The following TCF4 variants were observed in gnomAD, a reference collection of about 807,000 sequenced individuals.
The protein encoded by TCF4 is SL3-3 enhancer factor 2.
Under a neutral mutation model 82.1 loss-of-function variants are expected in TCF4, and 3 were observed. That is an observed-to-expected ratio of 0.04 (90% CI 0.02 to 0.09). TCF4 has a LOEUF of 0.09. Among genes scored for constraint, TCF4 ranks in the 10% least tolerant of loss-of-function variants. The pLI is 1.00. For missense variants in TCF4, 518 were observed against 852.7 expected (o/e 0.61, Z 4.89); for synonymous variants, 276 against 309.6 (o/e 0.89, Z 1.14).
chr18:55,422,601 T>C, intron 5 of TCF4: 2 of 399,168 alleles, frequency 5.0e-6, no homozygotes, highest in Non-Finnish European at 6.8e-6. Flanking sequence ...ACCATTAATT[T>C]GCATCTGGTG....
chr18:55,369,499 A>G (rs1367571677), intron 6 of TCF4, among the ~76,000 whole-genome samples: 1 of 152,188 alleles, frequency 6.6e-6, no homozygotes, highest in Non-Finnish European at 1.5e-5. Context: ...TTTTCAAGTT[A>G]GAGGCGAAAG....
intron 6 of TCF4, among the ~76,000 whole-genome samples, chr18:55,363,805 C>CTAAA (rs774730269): frequency 9.4e-4 from 142 of 151,862 alleles, no homozygotes; most frequent in Non-Finnish European, 1.3e-3. Context: ...CACTCTGTCT[C>CTAAA]TAAATAAATA....
chr18:55,455,529 GAAAAAA>G (rs201720174), intron 5 of TCF4, among the ~76,000 whole-genome samples: 6 of 116,906 alleles, frequency 5.1e-5, no homozygotes, highest in Non-Finnish European at 5.5e-5. Flanking sequence ...GGTGTTATTG[GAAAAAA>G]AAAAAAAAAA....
intron 17 of TCF4, chr18:55,229,972 G>A (rs925967970): frequency 1.4e-4 from 22 of 151,908 alleles, no homozygotes; most frequent in African/African-American, 4.1e-4. Flanking sequence ...GTGAGACCTC[G>A]TCTCTACAAA....
At chr18:55,588,463 C>A, upstream of TCF4, 1 of 1,534,976 alleles carries the variant, frequency 6.5e-7, no homozygotes, top group African/African-American at 1.4e-5. Flanking sequence ...GAAAATTCAT[C>A]GAGCACCTCA....
At chr18:55,324,828 T>C (rs1442636257) in intron 8 of TCF4, among the ~76,000 whole-genome samples, 1 of 152,214 alleles carries the variant, frequency 6.6e-6, no homozygotes, top group Non-Finnish European at 1.5e-5. Flanking sequence ...CAGTTGTCTT[T>C]TTCTGCCACT....
chr18:55,514,594 A>T (rs1320995176), intron 3 of TCF4, among the ~76,000 whole-genome samples: 2 of 152,152 alleles, frequency 1.3e-5, no homozygotes, highest in Non-Finnish European at 2.9e-5. Context: ...ACAGCTGCTG[A>T]TTATCTCAAT....
intron 8 of TCF4, among the ~76,000 whole-genome samples, chr18:55,305,523 T>G (rs903016156): frequency 1.3e-5 from 2 of 152,184 alleles, no homozygotes; most frequent in Non-Finnish European, 2.9e-5. Context: ...CAATTAATAC[T>G]CCAGAATGCA....
At chr18:55,417,151 A>T (rs1241843128) in intron 5 of TCF4, among the ~76,000 whole-genome samples, 1 of 152,160 alleles carries the variant, frequency 6.6e-6, no homozygotes, top group African/African-American at 2.4e-5. Flanking sequence ...TTTTTTTATC[A>T]AAGTTTAAAT....
intron 15 of TCF4, among the ~76,000 whole-genome samples, chr18:55,243,326 A>G (rs1477640941): frequency 1.3e-5 from 2 of 152,222 alleles, no homozygotes; most frequent in African/African-American, 2.4e-5. Context: ...GTAAAGCTCA[A>G]TGGCTTTGCT....
intron 3 of TCF4, among the ~76,000 whole-genome samples, chr18:55,464,515 T>C (rs2095961198): frequency 6.6e-6 from 1 of 152,192 alleles, no homozygotes; most frequent in African/African-American, 2.4e-5. Context: ...AAGGTAAATA[T>C]CCACACTAAC....
chr18:55,401,035 T>C (rs1301332768), intron 6 of TCF4: 5 of 1,289,140 alleles, frequency 3.9e-6, no homozygotes, highest in Non-Finnish European at 5.1e-6. Context: ...TCAGCTGTGA[T>C]CTGCTATTTA....
chr18:55,275,720 A>C lies in TCF4; in HGVS notation c.688T>G (p.Ser230Ala). 2 of 1,613,828 alleles carry C rather than the reference A, an allele frequency of 1.2e-6. No individual in the cohort carries two copies. The highest frequency in any genetic ancestry group is 4.5e-5 in the East Asian group (2 of 44,882). Reference sequence around the variant, plus strand: ...TAGCCAGGCTGATTCATCCCACTGGAGGAGCTCCAAGGGTCACTGCTGTGA... The same window carrying C: ...TAGCCAGGCTGATTCATCCCACTGGCGGAGCTCCAAGGGTCACTGCTGTGA... ...GHHSSDPWSS[S>A]SGMNQPGYAG... Residue 230 changes from serine (S) to alanine (A), a missense_variant, in exon 10 of 20, where the codon TCC becomes GCC. Around this residue, in one of 7 missense-constraint regions of TCF4, gnomAD observed 211 missense variants for 327.4 expected, o/e 0.64. Transcript: ENST00000354452.
intron 8 of TCF4, among the ~76,000 whole-genome samples, chr18:55,335,720 A>G (rs2078488321): frequency 6.6e-6 from 1 of 152,212 alleles, no homozygotes; most frequent in African/African-American, 2.4e-5. Flanking sequence ...CAATGGTATT[A>G]ATAAAAAATG....
rs534414774 is a variant in TCF4, at chr18:55,581,610, C to A, written c.145+3670G>T. On this transcript the variant is annotated intron_variant, in intron 3 of 19. Transcript: ENST00000354452. ...GGGGAAACCAATTTTTTTTTCATGC[C>A]ATCACTATGAACTCAAAACTAATTC... Among the ~76,000 whole-genome samples the A allele has an allele frequency of 3.3e-5, 5 of 151,872 alleles. No individual in the cohort carries two copies. In the South Asian group the frequency reaches 1.0e-3, roughly 32 times the overall value.
intron 3 of TCF4, among the ~76,000 whole-genome samples, chr18:55,581,882 C>A (rs1162024080): frequency 6.6e-6 from 1 of 152,050 alleles, no homozygotes; most frequent in East Asian, 1.9e-4. Flanking sequence ...TTTAACAATA[C>A]CTGAACACCT....
At chr18:55,490,757 C>T (rs1054783757) in intron 3 of TCF4, among the ~76,000 whole-genome samples, 3 of 152,160 alleles carry the variant, frequency 2.0e-5, no homozygotes, top group Non-Finnish European at 4.4e-5. Context: ...ACGGAGATGA[C>T]CTGACCATTC....
intron 6 of TCF4, chr18:55,402,307 T>A (rs986141228): frequency 1.2e-4 from 96 of 828,958 alleles, no homozygotes; most frequent in Non-Finnish European, 1.3e-4. Context: ...TACCTTCCTA[T>A]GTCTGGTACG....
At chr18:55,631,366 G>A (rs867657798) in exon 2 of TCF4, 3 of 1,548,440 alleles carry the variant, frequency 1.9e-6, no homozygotes, top group Admixed American at 2.0e-5. Flanking sequence ...AATGTTCTTA[G>A]ATTGGTGTTT....
Sources: gnomAD v4.1 joint callset for allele counts (sites outside exome capture counted in the v4.1 genomes callset) on GRCh38, gnomAD v4.1.1 for gene constraint, gnomAD v4.1.1 regional missense constraint, MANE v1.5 for transcripts, NCBI Gene and HGNC (gene_info 2026-07-23, HGNC 2026-07-21) for gene names.